The following PDE1C variants were observed in gnomAD, a reference collection of about 807,000 sequenced individuals.
PDE1C encodes the protein phosphodiesterase 1C.
PDE1C carries 62 observed loss-of-function variants against 93.1 expected under a neutral mutation model. The ratio of observed to expected loss-of-function variants is 0.67; its 90% CI spans 0.54 to 0.82. The LOEUF is 0.82. PDE1C is among the 40% of genes least tolerant of loss of function. The probability of loss-of-function intolerance (pLI) is 0.00; values close to 1 mark genes in which losing one functional copy is unlikely to be tolerated. For synonymous variants in PDE1C, 325 were observed against 310.1 expected (o/e 1.05, Z -0.50); for missense variants, 742 against 884.6 (o/e 0.84, Z 2.04).
intron 2 of PDE1C, among the ~76,000 whole-genome samples, chr7:31,957,541 CTG>C (rs981294931): frequency 2.0e-5 from 3 of 152,306 alleles, no homozygotes; most frequent in African/African-American, 4.8e-5. Context: ...CATTTGAAAA[CTG>C]TGTCATCACT....
intron 2 of PDE1C, among the ~76,000 whole-genome samples, chr7:32,037,374 C>A (rs939972784): frequency 2.6e-5 from 4 of 152,088 alleles, no homozygotes; most frequent in East Asian, 1.9e-4. Context: ...TTGCCCCTCA[C>A]CCACAAGGAT....
At chr7:31,738,884 T>C in the PDE1C span, among the ~76,000 whole-genome samples, 496 of 152,184 alleles carry the variant, frequency 3.3e-3, 9 homozygotes, top group African/African-American at 0.011. Flanking sequence ...GAGTATGTGA[T>C]GAACTAGCAC....
the PDE1C span, among the ~76,000 whole-genome samples, chr7:31,628,448 CTT>C: frequency 7.0e-6 from 1 of 143,564 alleles, no homozygotes; most frequent in African/African-American, 2.6e-5. Flanking sequence ...AGCGTGATTC[CTT>C]TTTTTTTTTT....
At chr7:31,985,446 A>C (rs1232475146) in intron 2 of PDE1C, among the ~76,000 whole-genome samples, 2 of 152,120 alleles carry the variant, frequency 1.3e-5, no homozygotes, top group African/African-American at 4.8e-5. Context: ...ATTATACTTT[A>C]AGTTCTAGGG....
intron 2 of PDE1C, among the ~76,000 whole-genome samples, chr7:31,933,602 C>T (rs1804623799): frequency 6.6e-6 from 1 of 152,170 alleles, no homozygotes; most frequent in Non-Finnish European, 1.5e-5. Flanking sequence ...GCCCAGCTCT[C>T]ATGTTGAATT....
At chr7:32,289,633 C>A (rs1562653681) in intron 1 of PDE1C, among the ~76,000 whole-genome samples, 1 of 152,016 alleles carries the variant, frequency 6.6e-6, no homozygotes. Flanking sequence ...AAAAATTAAG[C>A]CAGGAAAGAG....
intron 1 of PDE1C, among the ~76,000 whole-genome samples, chr7:32,288,145 C>G (rs1356571022): frequency 1.3e-5 from 2 of 152,132 alleles, no homozygotes; most frequent in African/African-American, 4.8e-5. Flanking sequence ...CAGAGTGAGA[C>G]TCCGTCTTAA....
In PDE1C at chr7:31,794,041, T is replaced by TAGATAGATAGATAGAC. The variant is rs1554335955; in HGVS notation, c.1891+14989_1891+14990insGTCTATCTATCTATCT. ...ATAGATAGATAGATAGATAGATAGA[T>TAGATAGATAGATAGAC]AGACAGACAGACAGACAGACAGACA... On this transcript the variant is annotated intron_variant, in intron 16 of 17. Transcript: ENST00000396191. Among the ~76,000 whole-genome samples, 9 of 89,586 alleles carry TAGATAGATAGATAGAC rather than the reference T, an allele frequency of 1.0e-4. 1 individual carries two copies. Among genetic ancestry groups the TAGATAGATAGATAGAC allele is most frequent in the African/African-American group, 1.3e-4 (3 of 22,996 alleles). The allele number at this position is 89,586 out of a possible 152,430, so 58.8% of individuals were successfully genotyped here. A position where few individuals can be genotyped will look rare whatever the true frequency, so the allele number is the denominator to read the frequency against.
chr7:31,708,265 T>C, the PDE1C span: 1 of 152,208 alleles, frequency 6.6e-6, no homozygotes, highest in Non-Finnish European at 1.5e-5. Context: ...CACCAGGCAA[T>C]AGACAGGAGA....
At position 32,114,809 on chromosome 7, in the gene PDE1C, T is replaced by C. The variant is rs1034991731; in HGVS notation, c.308+54976A>G. Among the ~76,000 whole-genome samples, 6 of 118,908 alleles carry C rather than the reference T, an allele frequency of 5.0e-5. No homozygotes were observed. The East Asian group carries it at 1.3e-3, about 25-fold the overall frequency. 78.0% of individuals were successfully genotyped at this position (118,908 alleles called of 152,430 possible). On this transcript the variant is annotated intron_variant, in intron 3 of 18. Transcript: ENST00000396193. ...CCCATCAAAAAGTGGGCAAAGAATA[T>C]GAACAGACACTTCTCAAAAAAAAGA...
intron 16 of PDE1C, among the ~76,000 whole-genome samples, chr7:31,805,405 C>A (rs1186019811): frequency 1.3e-5 from 2 of 151,796 alleles, no homozygotes; most frequent in African/African-American, 4.8e-5. Context: ...GTGAAACTGA[C>A]AATAAGGGAG....
intron 1 of PDE1C, among the ~76,000 whole-genome samples, chr7:32,411,947 T>A (rs1785179785): frequency 6.6e-6 from 1 of 152,114 alleles, no homozygotes; most frequent in South Asian, 2.1e-4. Context: ...ATCCTAGGCC[T>A]ACGCAGGGTC....
At chr7:31,809,789 T>C (rs6951050) in intron 15 of PDE1C, among the ~76,000 whole-genome samples, 29,752 of 151,966 alleles carry the variant, frequency 0.2, 2,996 homozygotes, top group Middle Eastern at 0.26. Flanking sequence ...AATAAAACCA[T>C]AACGTTTGGG....
the PDE1C span, among the ~76,000 whole-genome samples, chr7:31,694,668 G>A: frequency 6.6e-6 from 1 of 152,172 alleles, no homozygotes; most frequent in Non-Finnish European, 1.5e-5. Flanking sequence ...TTATGGAAGA[G>A]TGAACCATTG....
At chr7:32,115,537 T>A (rs1197405806) in intron 3 of PDE1C, among the ~76,000 whole-genome samples, 1 of 151,962 alleles carries the variant, frequency 6.6e-6, no homozygotes, top group East Asian at 1.9e-4. Flanking sequence ...AAAACCTAGA[T>A]GACTGATTAA....
intron 3 of PDE1C, among the ~76,000 whole-genome samples, chr7:32,147,312 G>GAAAGAAAGAAAGAAAGAAAGAAA (rs1800947501): frequency 6.9e-6 from 1 of 145,442 alleles, no homozygotes; most frequent in Non-Finnish European, 1.5e-5. Flanking sequence ...AAGAAAGAAA[G>GAAAGAAAGAAAGAAAGAAAGAAA]AAAGAAAGAA....
At chr7:32,158,470 AG>A (rs1291790447) in intron 3 of PDE1C, among the ~76,000 whole-genome samples, 1 of 152,230 alleles carries the variant, frequency 6.6e-6, no homozygotes, top group Non-Finnish European at 1.5e-5. Context: ...ATACAGTTGT[AG>A]GGCTGTTTAG....
exon 3 of PDE1C, chr7:32,169,857 G>T: frequency 6.2e-7 from 1 of 1,612,482 alleles, no homozygotes; most frequent in Non-Finnish European, 8.5e-7. Flanking sequence ...CTCCTCTGGG[G>T]GTCGAGGGTC....
At chr7:31,963,741 G>A (rs538565601) in intron 2 of PDE1C, among the ~76,000 whole-genome samples, 2 of 152,280 alleles carry the variant, frequency 1.3e-5, no homozygotes, top group East Asian at 1.9e-4. Flanking sequence ...TAAACACAGA[G>A]TGCAGTAAAC....
Sources: gnomAD v4.1 joint callset for allele counts (sites outside exome capture counted in the v4.1 genomes callset) on GRCh38, gnomAD v4.1.1 for gene constraint, MANE v1.5 for transcripts, NCBI Gene and HGNC (gene_info 2026-07-23, HGNC 2026-07-21) for gene names.